The following WDPCP variants were observed in gnomAD, a reference collection of about 807,000 sequenced individuals.
WDPCP encodes the protein WD repeat containing planar cell polarity effector.
In WDPCP, 71 loss-of-function variants were observed where a neutral mutation model predicts 93.1. The observed-to-expected ratio is 0.76, with a 90% CI of 0.63 to 0.93. The LOEUF is 0.93. Ranked by LOEUF, WDPCP falls within the 40% of genes least tolerant of loss-of-function variation. The pLI, the probability that WDPCP is intolerant of heterozygous loss-of-function variation, is 0.00. For missense variants in WDPCP, 844 were observed against 887.4 expected, an observed-to-expected ratio of 0.95 and a Z score of 0.62; for synonymous variants, 315 against 315.0, an observed-to-expected ratio of 1.00 and a Z score of 0.00.
chr2:63,701,895 T>C (rs1010463028), intron 2 of WDPCP, among the ~76,000 whole-genome samples: 8 of 152,166 alleles, frequency 5.3e-5, no homozygotes, highest in Non-Finnish European at 8.8e-5. Flanking sequence ...TGGGTACAAA[T>C]ATACAGTTCG....
chr2:63,516,943 G>A (rs569486020), intron 1 of WDPCP, among the ~76,000 whole-genome samples: 1 of 151,682 alleles, frequency 6.6e-6, no homozygotes, highest in South Asian at 2.1e-4. Context: ...AAACAGGGAG[G>A]TAGGGAAGAA....
intron 1 of WDPCP, among the ~76,000 whole-genome samples, chr2:63,529,657 G>T (rs1291771010): frequency 6.6e-6 from 1 of 152,180 alleles, no homozygotes; most frequent in Non-Finnish European, 1.5e-5. Context: ...GTTCATCAGG[G>T]ATACTGGTCT....
At chr2:63,681,468 G>T (rs1161906810) in intron 2 of WDPCP, among the ~76,000 whole-genome samples, 1 of 152,164 alleles carries the variant, frequency 6.6e-6, no homozygotes, top group Non-Finnish European at 1.5e-5. Flanking sequence ...CTTTGGAAAG[G>T]GGTAGGAAGA....
intron 1 of WDPCP, among the ~76,000 whole-genome samples, chr2:63,587,858 GACAAAACTCAAC>G (rs1206126625): frequency 1.3e-5 from 2 of 152,236 alleles, no homozygotes; most frequent in African/African-American, 4.8e-5. Context: ...AAAGGGAATG[GACAAAACTCAAC>G]ATTCACGGAG....
chr2:63,378,206 A>T (rs1575273006), intron 12 of WDPCP, 180 bp downstream of exon 12: 1 of 831,670 alleles, frequency 1.2e-6, no homozygotes, highest in African/African-American at 1.7e-5. Flanking sequence ...TAATATTCAA[A>T]TATTTCCTTA....
intron 12 of WDPCP, among the ~76,000 whole-genome samples, chr2:63,376,607 G>A (rs1199100300): frequency 6.6e-6 from 1 of 151,820 alleles, no homozygotes; most frequent in East Asian, 1.9e-4. Context: ...TAGGCAGGAG[G>A]AGAATTCATT....
intron 9 of WDPCP, among the ~76,000 whole-genome samples, chr2:63,427,120 T>C (rs1297067478): frequency 6.6e-6 from 1 of 152,220 alleles, no homozygotes; most frequent in Non-Finnish European, 1.5e-5. Context: ...TGTGAAAGAC[T>C]TAGCCGCACA....
chr2:63,362,814 G>A (rs1690590440), intron 12 of WDPCP, among the ~76,000 whole-genome samples: 1 of 152,008 alleles, frequency 6.6e-6, no homozygotes, highest in African/African-American at 2.4e-5. Flanking sequence ...ACCATACCCT[G>A]CTAAAAATCA....
At chr2:63,370,200 C>T (rs1027866803) in intron 12 of WDPCP, among the ~76,000 whole-genome samples, 10 of 152,200 alleles carry the variant, frequency 6.6e-5, no homozygotes, top group African/African-American at 1.7e-4. Context: ...ATCTAAAGAG[C>T]CCTTATACCC....
intron 12 of WDPCP, among the ~76,000 whole-genome samples, chr2:63,330,014 C>T (rs538504699): frequency 5.9e-5 from 9 of 152,146 alleles, no homozygotes; most frequent in Non-Finnish European, 8.8e-5. Flanking sequence ...AGGTTGTTTC[C>T]GTATCTCAAC....
chr2:63,829,656 T>C (rs1224511798), upstream of WDPCP, among the ~76,000 whole-genome samples: 1 of 152,116 alleles, frequency 6.6e-6, no homozygotes, highest in Non-Finnish European at 1.5e-5. Flanking sequence ...TTTTCCATTG[T>C]GTAAGATTAA....
chr2:63,699,603 G>A (rs1669014704), intron 2 of WDPCP, among the ~76,000 whole-genome samples: 1 of 152,124 alleles, frequency 6.6e-6, no homozygotes, highest in Non-Finnish European at 1.5e-5. Flanking sequence ...CAGAGGAAGA[G>A]GGATACCCAG....
chr2:63,372,101 G>A (rs909185494), intron 12 of WDPCP, among the ~76,000 whole-genome samples: 11 of 152,124 alleles, frequency 7.2e-5, no homozygotes, highest in South Asian at 2.1e-4. Context: ...CACTCATGGC[G>A]GAAGGCAAAG....
At chr2:63,386,828 C>T (rs1418326455) in intron 10 of WDPCP, among the ~76,000 whole-genome samples, 1 of 149,858 alleles carries the variant, frequency 6.7e-6, no homozygotes, top group Non-Finnish European at 1.5e-5. Flanking sequence ...CACAGAAATA[C>T]AAAAAAAAAC....
chr2:63,313,866 A>ATGTGTGTG (rs1193035431), intron 12 of WDPCP, among the ~76,000 whole-genome samples: 1 of 5,808 alleles, frequency 1.7e-4, no homozygotes, highest in African/African-American at 2.1e-3. Flanking sequence ...ATATATATAT[A>ATGTGTGTG]TATATATATA....
chr2:63,711,855 G>A (rs1009476475), intron 2 of WDPCP, among the ~76,000 whole-genome samples: 2 of 152,222 alleles, frequency 1.3e-5, no homozygotes, highest in Non-Finnish European at 2.9e-5. Flanking sequence ...CCTGATGGGA[G>A]CTGAAACACA....
At position 63,152,958 on chromosome 2, in the gene WDPCP, A is replaced by G. The variant is rs202221613; in HGVS notation, c.2159-13T>C. 9.9e-5 allele frequency: 160 copies of G among 1,611,142 alleles called. No individual in the cohort carries two copies. The highest frequency in any genetic ancestry group is 3.3e-4 in the Middle Eastern group (2 of 6,062). ...CTCAGTTCTCCGTCTAAAGTAAAAG[A>G]TTAAAACATTAATTATCTTAAAAGT... On this transcript the variant is annotated splice_polypyrimidine_tract_variant and intron_variant, in intron 16 of 17. Transcript: ENST00000272321.
At chr2:63,542,620 G>C (rs1704830292) in intron 1 of WDPCP, among the ~76,000 whole-genome samples, 1 of 152,110 alleles carries the variant, frequency 6.6e-6, no homozygotes, top group Non-Finnish European at 1.5e-5. Flanking sequence ...AAACTGGCTT[G>C]CATTACTCAA....
chr2:63,643,421 C>T (rs1710008498), intron 3 of WDPCP: 1 of 312,664 alleles, frequency 3.2e-6, no homozygotes, highest in Non-Finnish European at 6.2e-6. Context: ...TTGCCACTGG[C>T]ATCTTTCACA....
Sources: gnomAD v4.1 joint callset for allele counts (sites outside exome capture counted in the v4.1 genomes callset) on GRCh38, gnomAD v4.1.1 for gene constraint, MANE v1.5 for transcripts, NCBI Gene and HGNC (gene_info 2026-07-23, HGNC 2026-07-21) for gene names.